The following DPP6 variants were observed in gnomAD, a reference collection of about 807,000 sequenced individuals.
The protein encoded by DPP6 is dipeptidyl peptidase like 6.
DPP6 carries 69 observed loss-of-function variants against 122.6 expected under a neutral mutation model. That is an observed-to-expected ratio of 0.56 (90% CI 0.46 to 0.69). DPP6 has a LOEUF of 0.69. Ranked by LOEUF, DPP6 falls within the 30% of genes least tolerant of loss-of-function variation. DPP6 has a pLI of 0.00. For synonymous variants in DPP6, 418 were observed against 433.1 expected (o/e 0.97, Z 0.43); for missense variants, 928 against 1,116.9 (o/e 0.83, Z 2.41).
At chr7:154,031,324 A>T (rs1256697712) in intron 1 of DPP6, among the ~76,000 whole-genome samples, 1 of 148,756 alleles carries the variant, frequency 6.7e-6, no homozygotes, top group Non-Finnish European at 1.5e-5. Flanking sequence ...CTCTTCTGTC[A>T]TCTCAGACTC....
rs983666146 is a variant in DPP6, at chr7:154,755,161, A to G, written c.884-14256A>G. 3.3e-5 allele frequency among the ~76,000 whole-genome samples: 5 copies of G among 151,748 alleles called. No homozygotes were observed. Among genetic ancestry groups the G allele is most frequent in the South Asian group, 2.1e-4 (1 of 4,800 alleles). On this transcript the variant is annotated intron_variant, in intron 8 of 25. Coordinates refer to ENST00000377770, the MANE Select transcript of DPP6 (RefSeq NM_130797.4). The surrounding 1 kb of genome is among the most constrained non-coding windows in gnomAD (Gnocchi z 4.7). ...AGTAAAATAAATTAAAAAAAAAAAA[A>G]AAAGAAACTGAACACATGTCAGGAG...
intron 1 of DPP6, among the ~76,000 whole-genome samples, chr7:153,957,149 G>T (rs1336669722): frequency 6.6e-6 from 1 of 152,236 alleles, no homozygotes; most frequent in South Asian, 2.1e-4. Context: ...GAAAGCTGAA[G>T]TAAAATAACC....
At chr7:154,299,078 C>T (rs1805732893) in intron 1 of DPP6, among the ~76,000 whole-genome samples, 1 of 152,224 alleles carries the variant, frequency 6.6e-6, no homozygotes, top group Non-Finnish European at 1.5e-5. Flanking sequence ...CAGGGACTTC[C>T]TCCTCCCCAG....
Position 154,435,348 on chromosome 7 carries a change from G to A in DPP6, c.244-10866G>A, listed in dbSNP as rs572508728. On this transcript the variant is annotated intron_variant, in intron 1 of 25. Coordinates refer to ENST00000377770, the MANE Select transcript of DPP6 (RefSeq NM_130797.4). Reference sequence around the variant, plus strand: ...ACGTTCCTGTGAGTTGCTGCCACACGCTGCACTGGGCCAACGCTTTCCCAC... The same window carrying A: ...ACGTTCCTGTGAGTTGCTGCCACACACTGCACTGGGCCAACGCTTTCCCAC... Among the ~76,000 whole-genome samples the A allele has an allele frequency of 8.5e-5, 13 of 152,254 alleles. No homozygotes were observed. The East Asian group carries it at 1.2e-3, about 14-fold the overall frequency.
intron 1 of DPP6, among the ~76,000 whole-genome samples, chr7:153,942,201 G>A (rs896676855): frequency 6.6e-5 from 10 of 152,186 alleles, no homozygotes; most frequent in Non-Finnish European, 1.2e-4. Context: ...TTTTTATCAC[G>A]CATCTTCTGT....
In DPP6 at chr7:154,875,108, G is replaced by T. The variant is rs1328492979; in HGVS notation, c.1884-798G>T. Among the ~76,000 whole-genome samples, 1 of 111,744 alleles carries T rather than the reference G, an allele frequency of 8.9e-6. No homozygotes were observed. The highest frequency in any genetic ancestry group is 1.9e-5 in the Non-Finnish European group (1 of 51,802). 73.3% of individuals were successfully genotyped at this position (111,744 alleles called of 152,430 possible). A position where few individuals can be genotyped will look rare whatever the true frequency, so the allele number is the denominator to read the frequency against. On this transcript the variant is annotated intron_variant, in intron 19 of 25. Coordinates refer to ENST00000377770, the MANE Select transcript of DPP6 (RefSeq NM_130797.4). The surrounding 1 kb of genome is among the most constrained non-coding windows in gnomAD (Gnocchi z 4.5). Reference sequence around the variant, plus strand: ...GAGTGAGACCCTGTCTCAAACAAAAGAAAAAAAAAGAAGAAAAGAAAAGAA... The same window carrying T: ...GAGTGAGACCCTGTCTCAAACAAAATAAAAAAAAAGAAGAAAAGAAAAGAA...
At chr7:154,864,571 T>C (rs1205321965) in intron 17 of DPP6, among the ~76,000 whole-genome samples, 1 of 152,254 alleles carries the variant, frequency 6.6e-6, no homozygotes, top group African/African-American at 2.4e-5. Context: ...TCTTTTCTTA[T>C]TTCTCTGCTG....
intron 25 of DPP6, 103 bp downstream of exon 25, chr7:154,889,633 C>A: frequency 6.6e-7 from 1 of 1,521,140 alleles, no homozygotes; most frequent in South Asian, 1.3e-5. Context: ...GCAGACACGC[C>A]TGTGCTGTGG....
intron 1 of DPP6, among the ~76,000 whole-genome samples, chr7:154,180,018 A>G (rs1315699069): frequency 6.6e-6 from 1 of 152,216 alleles, no homozygotes; most frequent in African/African-American, 2.4e-5. Flanking sequence ...CTTTTTGTAT[A>G]GAAACAGAAT....
At chr7:154,343,306 G>A (rs1243497340) in intron 1 of DPP6, among the ~76,000 whole-genome samples, 10 of 152,274 alleles carry the variant, frequency 6.6e-5, no homozygotes, top group South Asian at 4.1e-4. Flanking sequence ...GCGGTGGAGC[G>A]AAATTCCAAA....
rs568184238 is a variant in DPP6 at position 154,624,390 on chromosome 7, G to A, written c.628-13431G>A. Among the ~76,000 whole-genome samples, 7 of 151,396 alleles carry A rather than the reference G, an allele frequency of 4.6e-5. No homozygotes were observed. The East Asian group carries it at 1.4e-3, about 29-fold the overall frequency. ...GCCTATAATCCCAGCTACTCAGAAG[G>A]CTGAGGCAGGAAAATCACTTGTACC... On this transcript the variant is annotated intron_variant, in intron 5 of 25. Transcript: ENST00000377770. The surrounding 1 kb of genome is among the most constrained non-coding windows in gnomAD (Gnocchi z 4.7).
Position 154,189,838 on chromosome 7 carries a change from G to C in DPP6, c.243+136775G>C, listed in dbSNP as rs139271603. Among the ~76,000 whole-genome samples the C allele has an allele frequency of 7.2e-5, 11 of 152,248 alleles. No homozygotes were observed. The East Asian group carries it at 2.1e-3, about 29-fold the overall frequency. ...GGAGGAAAACAAAGAAACAAAATGT[G>C]ATGCAGTCAAACAATTTAATTTCTC... On this transcript the variant is annotated intron_variant, in intron 1 of 25. Transcript: ENST00000377770.
chr7:154,235,578 A>G lies in DPP6; in HGVS notation c.243+182515A>G, dbSNP rs934478810. On this transcript the variant is annotated intron_variant, in intron 1 of 25. Coordinates refer to ENST00000377770, the MANE Select transcript of DPP6 (RefSeq NM_130797.4). ...CAGCACTTTGTTCCTTTCTATTGTC[A>G]AATAACTACACAGTGTTTTAAAGCC... Among the ~76,000 whole-genome samples, 9 of 149,176 alleles carry G rather than the reference A, an allele frequency of 6.0e-5. 1 individual carries two copies. The highest frequency in any genetic ancestry group is 1.5e-4 in the African/African-American group (6 of 38,898).
chr7:154,237,882 G>A (rs557077104), intron 1 of DPP6, among the ~76,000 whole-genome samples: 1 of 152,326 alleles, frequency 6.6e-6, no homozygotes, highest in African/African-American at 2.4e-5. Flanking sequence ...CTGGGAGCGT[G>A]TAAGTCCATC....
intron 3 of DPP6, among the ~76,000 whole-genome samples, chr7:154,523,655 G>A (rs892164898): frequency 1.3e-5 from 2 of 152,038 alleles, no homozygotes; most frequent in Non-Finnish European, 2.9e-5. Context: ...TGGTAGAATG[G>A]CTCCTCTTTT....
intron 2 of DPP6, among the ~76,000 whole-genome samples, chr7:154,465,130 G>A (rs1253008540): frequency 6.6e-6 from 1 of 151,882 alleles, no homozygotes; most frequent in African/African-American, 2.4e-5. Flanking sequence ...AACTGAAACT[G>A]TGGAAAGCAA....
chr7:154,313,704 TATATATATATACAC>T (rs1313685910), intron 1 of DPP6, among the ~76,000 whole-genome samples: 597 of 26,200 alleles, frequency 0.023, 180 homozygotes, highest in African/African-American at 0.032. Flanking sequence ...TATATATATA[TATATATATATACAC>T]ACACACGCAC....
At chr7:154,745,128 A>G (rs1842977524) in intron 8 of DPP6, among the ~76,000 whole-genome samples, 1 of 152,216 alleles carries the variant, frequency 6.6e-6, no homozygotes, top group Non-Finnish European at 1.5e-5. Flanking sequence ...CAGGTCCAGC[A>G]GTGTAGTGGA....
chr7:154,764,912 C>G (rs537072808), intron 8 of DPP6, among the ~76,000 whole-genome samples: 1 of 152,314 alleles, frequency 6.6e-6, no homozygotes, highest in African/African-American at 2.4e-5. Flanking sequence ...GCATCACATT[C>G]TCTCCAGAGA....
Sources: gnomAD v4.1 joint callset for allele counts (sites outside exome capture counted in the v4.1 genomes callset) on GRCh38, gnomAD v4.1.1 for gene constraint, Gnocchi (gnomAD v3.1) non-coding constraint, MANE v1.5 for transcripts, NCBI Gene and HGNC (gene_info 2026-07-23, HGNC 2026-07-21) for gene names.